Variants in TTLL2 observed in about 807,000 individuals in gnomAD.
TTLL2 encodes the protein tubulin tyrosine ligase like 2.
Under a neutral mutation model 7.5 loss-of-function variants are expected in TTLL2, and 10 were observed. The ratio of observed to expected loss-of-function variants is 1.33; its 90% CI spans 0.82 to 2.25. TTLL2 has a LOEUF of 2.25. Among genes scored for constraint, TTLL2 ranks in the 30% most tolerant of loss-of-function variants. The pLI is 0.00. For synonymous variants in TTLL2, 284 were observed against 280.3 expected (o/e 1.01, Z -0.13); for missense variants, 733 against 735.7 (o/e 1.00, Z 0.04).
chr6:167,335,789 G>A lies in TTLL2; in HGVS notation c.48-2858G>A, dbSNP rs1436520293. Among the ~76,000 whole-genome samples, 3 of 143,182 alleles carry A rather than the reference G, an allele frequency of 2.1e-5. No individual in the cohort carries two copies. The East Asian group carries it at 6.3e-4, about 30-fold the overall frequency. The allele number at this position is 143,182 out of a possible 152,430, so 93.9% of individuals were successfully genotyped here. A position where few individuals can be genotyped will look rare whatever the true frequency, so the allele number is the denominator to read the frequency against. On this transcript the variant is annotated intron_variant, in intron 1 of 2. Coordinates refer to ENST00000239587, the MANE Select transcript of TTLL2 (RefSeq NM_031949.5). ...TGAACATTGAGATCACATGGACACA[G>A]GAAGGGGAATATCATACTCTGGGGA... is the stretch of plus-strand genomic sequence containing the variant.
At chr6:167,331,697 C>T (rs1312711150) in intron 1 of TTLL2, among the ~76,000 whole-genome samples, 5 of 152,062 alleles carry the variant, frequency 3.3e-5, no homozygotes, top group Non-Finnish European at 7.4e-5. Context: ...AAGATTGAAA[C>T]CCCAACTTAG....
At position 167,340,309 on chromosome 6, in the gene TTLL2, A is replaced by G. The variant is rs747494590; in HGVS notation, c.409A>G (p.Ser137Gly). Residue 137 changes from serine to glycine, a missense_variant, in exon 3 of 3, where the codon AGT (serine) becomes GGT (glycine). Ser to Gly is a moderately conservative substitution (Grantham distance 56). Coordinates refer to ENST00000239587, the MANE Select transcript of TTLL2 (RefSeq NM_031949.5). ...TSSFRMTEHNSVKPWQQLNHH... is the reference protein window; with the variant it reads ...TSSFRMTEHNGVKPWQQLNHH... ...CTCTTTCCGAATGACCGAACACAAC[A>G]GTGTTAAACCGTGGCAGCAGCTAAA... 5.5e-5 allele frequency: 89 copies of G among 1,614,032 alleles called. No individual in the cohort carries two copies. Among genetic ancestry groups the G allele is most frequent in the Non-Finnish European group, 7.4e-5 (87 of 1,180,040 alleles).
intron 2 of TTLL2, 74 bp from the exon 3 acceptor site, chr6:167,340,031 C>A: frequency 2.0e-6 from 3 of 1,498,390 alleles, no homozygotes; most frequent in Non-Finnish European, 2.7e-6. Context: ...ACCGGGTGCA[C>A]GGTTTCCTCA....
At chr6:167,339,976 T>G in intron 2 of TTLL2, 129 bp from the exon 3 acceptor site, 7 of 959,732 alleles carry the variant, frequency 7.3e-6, no homozygotes, top group Non-Finnish European at 1.1e-5. Flanking sequence ...GGGTGTCCGG[T>G]GAGACTGCAC....
chr6:167,336,696 C>T (rs1260293902), intron 1 of TTLL2, among the ~76,000 whole-genome samples: 1 of 152,016 alleles, frequency 6.6e-6, no homozygotes. Flanking sequence ...AACGGGGGCT[C>T]GGCCTCACCC....
At chr6:167,337,444 T>TG (rs1562372151) in intron 1 of TTLL2, among the ~76,000 whole-genome samples, 1 of 152,078 alleles carries the variant, frequency 6.6e-6, no homozygotes, top group East Asian at 1.9e-4. Context: ...CGGTGGAGCC[T>TG]GGGGGGTCCA....
chr6:167,335,537 C>A (rs1778973720), intron 1 of TTLL2, among the ~76,000 whole-genome samples: 1 of 144,848 alleles, frequency 6.9e-6, no homozygotes, highest in Non-Finnish European at 1.5e-5. Context: ...TTTATTGCGG[C>A]ATTATTCACA....
At chr6:167,325,285 A>G in intron 1 of TTLL2, 65 bp downstream of exon 1, 1 of 1,444,748 alleles carries the variant, frequency 6.9e-7, no homozygotes, top group Non-Finnish European at 9.2e-7. Flanking sequence ...TTCCAGGACC[A>G]GCCCCTTCCC....
chr6:167,335,384 T>C (rs940704033), intron 1 of TTLL2, among the ~76,000 whole-genome samples: 2 of 150,778 alleles, frequency 1.3e-5, no homozygotes, highest in African/African-American at 4.9e-5. Context: ...GACTGTAAAC[T>C]GGTTCAACCA....
chr6:167,334,214 C>T (rs1445185284), intron 1 of TTLL2, among the ~76,000 whole-genome samples: 1 of 147,480 alleles, frequency 6.8e-6, no homozygotes, highest in Non-Finnish European at 1.5e-5. Flanking sequence ...AGTAGTCATT[C>T]AGGAGCAGGT....
intron 1 of TTLL2, among the ~76,000 whole-genome samples, chr6:167,326,017 C>T (rs1019255984): frequency 2.6e-5 from 4 of 152,148 alleles, no homozygotes; most frequent in Admixed American, 1.3e-4. Context: ...AGGCAGAGGT[C>T]ATGATGAGGG....
At position 167,341,298 on chromosome 6, in the gene TTLL2, C is replaced by T. The variant is rs528115901; in HGVS notation, c.1398C>T (p.Asn466=). Residue 466 remains asparagine (N), a synonymous_variant, in exon 3 of 3, where the codon AAC becomes AAT. Coordinates refer to ENST00000239587, the MANE Select transcript of TTLL2 (RefSeq NM_031949.5). ...TTTCGTTCACAAGCAGAATGTACAA[C>T]GAGGATGACTCTGTGGTGGAGAAAG... ...DSLSFTSRMY[N]EDDSVVEKAV... 27 of 1,613,556 alleles carry T rather than the reference C, an allele frequency of 1.7e-5. No homozygotes were observed. The highest frequency in any genetic ancestry group is 1.6e-4 in the Middle Eastern group (1 of 6,062).
intron 1 of TTLL2, among the ~76,000 whole-genome samples, chr6:167,329,672 A>C (rs772579702): frequency 6.6e-6 from 1 of 152,174 alleles, no homozygotes; most frequent in African/African-American, 2.4e-5. Context: ...TCTCTAGATA[A>C]TTTTAATTAT....
chr6:167,341,752 ATAGT>A lies in TTLL2; in HGVS notation c.*75_*78del. On this transcript the variant is annotated 3_prime_UTR_variant, in exon 3 of 3. Transcript: ENST00000239587. ...CAAGGATCCTGTCCTAGAGAAAGCA[ATAGT>A]TCAAGTCCCTACCTGTGCCACCAGC... The A allele has an allele frequency of 6.8e-7, 1 of 1,462,646 alleles. No individual in the cohort carries two copies. Among genetic ancestry groups the A allele is most frequent in the Non-Finnish European group, 9.0e-7 (1 of 1,106,546 alleles). 90.6% of individuals were successfully genotyped at this position (1,462,646 alleles called of 1,614,324 possible). A position where few individuals can be genotyped will look rare whatever the true frequency, so the allele number is the denominator to read the frequency against.
At chr6:167,337,826 C>T (rs1285844544) in intron 1 of TTLL2, among the ~76,000 whole-genome samples, 3 of 151,630 alleles carry the variant, frequency 2.0e-5, no homozygotes, top group South Asian at 4.2e-4. Context: ...ACAACATACA[C>T]ACAACACACA....
At chr6:167,332,238 C>G in intron 1 of TTLL2, among the ~76,000 whole-genome samples, 1 of 152,218 alleles carries the variant, frequency 6.6e-6, no homozygotes, top group South Asian at 2.1e-4. Flanking sequence ...TGTTACAGCA[C>G]GGGGTTTGCC....
chr6:167,336,959 TG>T (rs1212572593), intron 1 of TTLL2, among the ~76,000 whole-genome samples: 1 of 152,154 alleles, frequency 6.6e-6, no homozygotes, highest in East Asian at 1.9e-4. Context: ...CCTGGGATGA[TG>T]GCCAATCAGG....
chr6:167,336,355 T>C (rs1778983590), intron 1 of TTLL2, among the ~76,000 whole-genome samples: 1 of 152,124 alleles, frequency 6.6e-6, no homozygotes, highest in South Asian at 2.1e-4. Flanking sequence ...TGATATAATA[T>C]ATCTAATTAA....
At chr6:167,338,401 CA>C (rs1562372446) in intron 1 of TTLL2, among the ~76,000 whole-genome samples, 1 of 152,002 alleles carries the variant, frequency 6.6e-6, no homozygotes, top group Non-Finnish European at 1.5e-5. Context: ...ACAATACACA[CA>C]ACATGCACAG....
Sources: gnomAD v4.1 joint callset for allele counts (sites outside exome capture counted in the v4.1 genomes callset) on GRCh38, gnomAD v4.1.1 for gene constraint, MANE v1.5 for transcripts, NCBI Gene and HGNC (gene_info 2026-07-23, HGNC 2026-07-21) for gene names.